The following SBF2 variants were observed in gnomAD, a reference collection of about 807,000 sequenced individuals.
The protein encoded by SBF2 is myotubularin-related protein 13.
In SBF2, 112 loss-of-function variants were observed where a neutral mutation model predicts 225.2. That is an observed-to-expected ratio of 0.50 (90% CI 0.43 to 0.58). The LOEUF (loss-of-function observed/expected upper bound fraction) is 0.58. SBF2 is among the 20% of genes least tolerant of loss of function. The pLI, the probability that SBF2 is intolerant of heterozygous loss-of-function variation, is 0.00. For missense variants in SBF2, 1,996 were observed against 2,206.2 expected (o/e 0.90, Z 1.91); for synonymous variants, 763 against 773.3 (o/e 0.99, Z 0.22).
At chr11:9,969,752 T>C (rs932152543) in intron 13 of SBF2, among the ~76,000 whole-genome samples, 10 of 152,182 alleles carry the variant, frequency 6.6e-5, no homozygotes, top group African/African-American at 2.4e-4. Context: ...CACTTATCAC[T>C]CTCTCACATA....
At chr11:10,273,280 C>T (rs1249718304) in intron 1 of SBF2, among the ~76,000 whole-genome samples, 1 of 152,146 alleles carries the variant, frequency 6.6e-6, no homozygotes, top group African/African-American at 2.4e-5. Context: ...ATCATTACTT[C>T]AACTTAATTG....
intron 2 of SBF2, among the ~76,000 whole-genome samples, chr11:10,106,729 G>T (rs987741807): frequency 2.0e-5 from 3 of 150,510 alleles, no homozygotes; most frequent in Admixed American, 6.6e-5. Context: ...AAAAGCCACA[G>T]ATTAAAAGAA....
At chr11:9,928,502 A>T (rs1332507208) in intron 16 of SBF2, among the ~76,000 whole-genome samples, 1 of 152,224 alleles carries the variant, frequency 6.6e-6, no homozygotes, top group Non-Finnish European at 1.5e-5. Flanking sequence ...TCATGGTGGG[A>T]ATGTAAAATG....
chr11:9,874,625 T>G (rs1025335194), intron 17 of SBF2, among the ~76,000 whole-genome samples: 1 of 152,214 alleles, frequency 6.6e-6, no homozygotes. Context: ...CTACACTTTC[T>G]AAGGGTTTTA....
chr11:9,953,208 G>A (rs1865962786), intron 16 of SBF2, among the ~76,000 whole-genome samples: 1 of 152,206 alleles, frequency 6.6e-6, no homozygotes, highest in African/African-American at 2.4e-5. Flanking sequence ...CACTTTGGGA[G>A]GCTGAGACAG....
chr11:9,910,438 T>C lies in SBF2; in HGVS notation c.1861-14427A>G, dbSNP rs144647548. On this transcript the variant is annotated intron_variant, in intron 16 of 39. Transcript: ENST00000256190. ...TTATGTATTTACTACACTATACTTT[T>C]AATCATTATTTTAGAGTACACTTCT... is the stretch of plus-strand genomic sequence containing the variant. Among the ~76,000 whole-genome samples the C allele has an allele frequency of 1.7e-3, 259 of 152,336 alleles. 3 individuals carry two copies. Among genetic ancestry groups the C allele is most frequent in the African/African-American group, 5.7e-3 (238 of 41,580 alleles).
chr11:10,014,749 T>C (rs540218853), intron 6 of SBF2, among the ~76,000 whole-genome samples: 1 of 152,256 alleles, frequency 6.6e-6, no homozygotes, highest in East Asian at 1.9e-4. Flanking sequence ...AATTTTTTAA[T>C]ATATGTAAGA....
intron 2 of SBF2, among the ~76,000 whole-genome samples, chr11:10,112,981 T>C (rs1952949943): frequency 1.3e-5 from 2 of 152,134 alleles, no homozygotes; most frequent in Admixed American, 1.3e-4. Flanking sequence ...ATAGAGATCA[T>C]TCTCTTATTT....
chr11:9,804,019 T>TC (rs1362156089), intron 32 of SBF2, among the ~76,000 whole-genome samples: 1 of 152,104 alleles, frequency 6.6e-6, no homozygotes, highest in Non-Finnish European at 1.5e-5. Context: ...ATGGAGGCTA[T>TC]CGTGGGACTA....
chr11:10,069,663 G>C (rs2134799229), intron 2 of SBF2, among the ~76,000 whole-genome samples: 1 of 152,224 alleles, frequency 6.6e-6, no homozygotes, highest in South Asian at 2.1e-4. Context: ...ATAATCCTTT[G>C]GGTATATACC....
chr11:10,248,871 G>A (rs140523628), intron 1 of SBF2, among the ~76,000 whole-genome samples: 5,981 of 152,234 alleles, frequency 0.039, 137 homozygotes, highest in Non-Finnish European at 0.055. Flanking sequence ...CGAGGTGGGC[G>A]GATCACAAGG....
chr11:10,021,013 T>G (rs547619096), intron 6 of SBF2, among the ~76,000 whole-genome samples: 1 of 151,900 alleles, frequency 6.6e-6, no homozygotes, highest in African/African-American at 2.4e-5. Flanking sequence ...CATGGACAAG[T>G]AAAAAGAAAG....
chr11:10,172,486 G>A (rs1255338189), intron 2 of SBF2, among the ~76,000 whole-genome samples: 27 of 151,980 alleles, frequency 1.8e-4, no homozygotes. Context: ...CAAGTAGCTG[G>A]GATTACAGGC....
intron 1 of SBF2, among the ~76,000 whole-genome samples, chr11:10,202,129 A>C (rs909804884): frequency 1.3e-5 from 2 of 152,232 alleles, no homozygotes; most frequent in African/African-American, 4.8e-5. Context: ...TACTGAATTA[A>C]AATGTCTTCT....
At chr11:10,183,021 T>C (rs190437591) in intron 2 of SBF2, among the ~76,000 whole-genome samples, 2,498 of 152,250 alleles carry the variant, frequency 0.016, 31 homozygotes, top group Non-Finnish European at 0.024. Context: ...TCCGCCCGCC[T>C]CGGCCTCCCA....
chr11:9,856,768 G>T, intron 18 of SBF2, 48 bp from the exon 19 acceptor site: 3 of 1,530,890 alleles, frequency 2.0e-6, no homozygotes, highest in Non-Finnish European at 2.7e-6. Flanking sequence ...CACTTCAGGT[G>T]AGCTTAAAAA....
intron 1 of SBF2, among the ~76,000 whole-genome samples, chr11:10,205,995 T>C (rs919604846): frequency 6.6e-6 from 1 of 151,784 alleles, no homozygotes; most frequent in Non-Finnish European, 1.5e-5. Flanking sequence ...GACTCCACTG[T>C]AACAAGCAGT....
At chr11:10,173,513 C>T (rs573495334) in intron 2 of SBF2, among the ~76,000 whole-genome samples, 4 of 152,214 alleles carry the variant, frequency 2.6e-5, no homozygotes, top group Non-Finnish European at 4.4e-5. Flanking sequence ...GGGTCCTACG[C>T]CCACGGAGTC....
At chr11:9,819,906 C>T (rs1016544778) in intron 28 of SBF2, among the ~76,000 whole-genome samples, 4 of 152,152 alleles carry the variant, frequency 2.6e-5, no homozygotes, top group East Asian at 1.9e-4. Flanking sequence ...TAATTAGTTA[C>T]GAGCAGCAAA....
Sources: allele counts gnomAD v4.1 joint callset (sites outside exome capture counted in the v4.1 genomes callset), GRCh38; gene constraint gnomAD v4.1.1; transcripts MANE v1.5; gene names NCBI Gene and HGNC (gene_info 2026-07-23, HGNC 2026-07-21).